Variants in DIAPH3 observed in about 807,000 individuals in gnomAD.
The protein encoded by DIAPH3 is protein diaphanous homolog 3.
In DIAPH3, 117 loss-of-function variants were observed where a neutral mutation model predicts 144.3. The ratio of observed to expected loss-of-function variants is 0.81; its 90% confidence interval spans 0.70 to 0.95. DIAPH3 has a LOEUF of 0.95. DIAPH3 is among the 40% of genes least tolerant of loss of function. The probability of loss-of-function intolerance (pLI) is 0.00; values close to 1 mark genes in which losing one functional copy is unlikely to be tolerated. For synonymous variants in DIAPH3, 519 were observed against 488.9 expected, an observed-to-expected ratio of 1.06 and a Z score of -0.81; for missense variants, 1,421 against 1,412.7, an observed-to-expected ratio of 1.01 and a Z score of -0.09.
intron 14 of DIAPH3, among the ~76,000 whole-genome samples, chr13:59,975,895 G>A (rs1281353490): frequency 3.3e-5 from 5 of 151,714 alleles, no homozygotes; most frequent in Non-Finnish European, 7.4e-5. Flanking sequence ...CCCTCTTACC[G>A]TTAAATAATT....
At chr13:59,771,871 AAGCC>A in intron 27 of DIAPH3, among the ~76,000 whole-genome samples, 2 of 152,120 alleles carry the variant, frequency 1.3e-5, no homozygotes, top group Admixed American at 6.6e-5. Context: ...GGCATTTAGT[AAGCC>A]AAATATCTCA....
intron 27 of DIAPH3, among the ~76,000 whole-genome samples, chr13:59,706,448 GGAA>G (rs1055978471): frequency 1.3e-5 from 2 of 152,008 alleles, no homozygotes; most frequent in African/African-American, 4.8e-5. Context: ...GGTCAAATAG[GGAA>G]GAAGAAGGAA....
chr13:59,871,200 G>C (rs375141187), intron 21 of DIAPH3, among the ~76,000 whole-genome samples: 5,197 of 145,200 alleles, frequency 0.036, 140 homozygotes, highest in Non-Finnish European at 0.051. Context: ...TTTTTTGGGG[G>C]GGGGGGTGGC....
Position 59,870,157 on chromosome 13 carries a change from T to A in DIAPH3, c.2608-8621A>T, listed in dbSNP as rs149019026. On this transcript the variant is annotated intron_variant, in intron 21 of 27. Coordinates refer to ENST00000400324, the MANE Select transcript of DIAPH3 (RefSeq NM_001042517.2). ...GTTAATTTTTGTGAAAGATATTAGGTCTGGCAACTTTTTTTTTTTTTAAAT... is the reference window on the plus strand; with the variant it reads ...GTTAATTTTTGTGAAAGATATTAGGACTGGCAACTTTTTTTTTTTTTAAAT... Among the ~76,000 whole-genome samples, 1,305 of 151,738 alleles carry A rather than the reference T, an allele frequency of 8.6e-3. 56 individuals carry two copies. Among genetic ancestry groups the A allele is most frequent in the Admixed American group, 0.07 (1,061 of 15,246 alleles).
chr13:59,913,499 T>C (rs1307149647), intron 19 of DIAPH3, among the ~76,000 whole-genome samples: 1 of 152,168 alleles, frequency 6.6e-6, no homozygotes, highest in Non-Finnish European at 1.5e-5. Context: ...AACATTTACA[T>C]ACCCTTGCCT....
intron 1 of DIAPH3, among the ~76,000 whole-genome samples, chr13:60,133,474 T>A (rs2138241215): frequency 1.3e-5 from 2 of 152,288 alleles, no homozygotes; most frequent in South Asian, 4.1e-4. Flanking sequence ...GATAATGAAG[T>A]ACTTTGCTGG....
chr13:60,061,736 C>T (rs1389890970), intron 4 of DIAPH3, among the ~76,000 whole-genome samples: 3 of 151,992 alleles, frequency 2.0e-5, no homozygotes, highest in Non-Finnish European at 4.4e-5. Context: ...AGGAGCGTCT[C>T]TCAAACAATC....
At chr13:60,014,495 A>G (rs2053495801) in intron 7 of DIAPH3, among the ~76,000 whole-genome samples, 1 of 152,182 alleles carries the variant, frequency 6.6e-6, no homozygotes, top group African/African-American at 2.4e-5. Flanking sequence ...GGTTAAAAAT[A>G]GAAAGCTTAG....
intron 20 of DIAPH3, among the ~76,000 whole-genome samples, chr13:59,897,027 G>C (rs17728875): frequency 0.056 from 8,497 of 152,080 alleles, 290 homozygotes; most frequent in Admixed American, 0.1. Flanking sequence ...TAGAAAGTCT[G>C]GAAGGTAAAA....
intron 20 of DIAPH3, 72 bp from the exon 21 acceptor site, chr13:59,879,540 A>T (rs2044868953): frequency 5.6e-6 from 9 of 1,593,914 alleles, no homozygotes; most frequent in Non-Finnish European, 7.7e-6. Context: ...ACTGCAAGTA[A>T]TCTGGGATGA....
intron 20 of DIAPH3, among the ~76,000 whole-genome samples, chr13:59,895,539 T>C (rs561253975): frequency 2.3e-4 from 35 of 149,402 alleles, no homozygotes; most frequent in Admixed American, 2.1e-3. Flanking sequence ...AAAATAAAAA[T>C]ATAAGAAAAG....
chr13:59,903,353 C>T (rs984855097), intron 20 of DIAPH3, among the ~76,000 whole-genome samples: 1 of 152,126 alleles, frequency 6.6e-6, no homozygotes, highest in African/African-American at 2.4e-5. Context: ...AGTTTCCTCA[C>T]CTATCTTGGT....
chr13:59,934,197 A>C (rs1594043941), intron 17 of DIAPH3, among the ~76,000 whole-genome samples: 1 of 152,118 alleles, frequency 6.6e-6, no homozygotes, highest in East Asian at 1.9e-4. Flanking sequence ...ATAAGTGTTT[A>C]CTCTGCTTTT....
chr13:60,089,668 G>A (rs2057866070), intron 4 of DIAPH3, among the ~76,000 whole-genome samples: 1 of 152,080 alleles, frequency 6.6e-6, no homozygotes, highest in Non-Finnish European at 1.5e-5. Flanking sequence ...CCAGCTACGT[G>A]ATCTAACAAG....
At chr13:59,932,141 C>T (rs1206983005) in intron 17 of DIAPH3, among the ~76,000 whole-genome samples, 1 of 152,104 alleles carries the variant, frequency 6.6e-6, no homozygotes, top group African/African-American at 2.4e-5. Flanking sequence ...AAAATGTATA[C>T]ATTTTATTTT....
intron 1 of DIAPH3, among the ~76,000 whole-genome samples, chr13:60,150,097 C>T (rs1951715242): frequency 6.6e-6 from 1 of 152,180 alleles, no homozygotes; most frequent in Admixed American, 6.5e-5. Flanking sequence ...TCATGGCTCA[C>T]TGCAACCACA....
intron 1 of DIAPH3, among the ~76,000 whole-genome samples, chr13:60,162,535 T>C (rs1185303093): frequency 1.3e-5 from 2 of 152,182 alleles, no homozygotes; most frequent in Non-Finnish European, 2.9e-5. Flanking sequence ...CCTATGACCA[T>C]TTTGATACTT....
intron 27 of DIAPH3, among the ~76,000 whole-genome samples, chr13:59,763,837 T>C (rs918461323): frequency 6.6e-6 from 1 of 152,152 alleles, no homozygotes; most frequent in Non-Finnish European, 1.5e-5. Flanking sequence ...TGTTAGCTAA[T>C]GAATCTGTGG....
chr13:59,785,850 C>A (rs765748214), intron 25 of DIAPH3, among the ~76,000 whole-genome samples: 1 of 152,082 alleles, frequency 6.6e-6, no homozygotes, highest in Non-Finnish European at 1.5e-5. Flanking sequence ...ATGTTGATAA[C>A]CACTCTTCCT....
Sources: allele counts gnomAD v4.1 joint callset (sites outside exome capture counted in the v4.1 genomes callset), GRCh38; gene constraint gnomAD v4.1.1; transcripts MANE v1.5; gene names NCBI Gene and HGNC (gene_info 2026-07-23, HGNC 2026-07-21).